Variants in GALNTL6 observed in about 807,000 individuals in gnomAD.
GALNTL6 encodes polypeptide N-acetylgalactosaminyltransferase-like 6.
In GALNTL6, 46 loss-of-function variants were observed where a neutral mutation model predicts 73.7. The observed-to-expected ratio is 0.62, with a 90% CI of 0.49 to 0.80. The LOEUF (loss-of-function observed/expected upper bound fraction) is 0.80. Ranked by LOEUF, GALNTL6 falls within the 30% of genes least tolerant of loss-of-function variation. The probability of loss-of-function intolerance (pLI) is 0.00; values close to 1 mark genes in which losing one functional copy is unlikely to be tolerated. For synonymous variants in GALNTL6, 259 were observed against 263.7 expected (o/e 0.98, Z 0.17); for missense variants, 604 against 755.0 (o/e 0.80, Z 2.34).
intron 5 of GALNTL6, among the ~76,000 whole-genome samples, chr4:172,401,133 G>A (rs335995): frequency 0.87 from 132,109 of 152,064 alleles, 57,376 homozygotes; most frequent in South Asian, 0.89. Context: ...TAACTTTAAT[G>A]TCCTTTCATT....
At chr4:172,216,563 G>A (rs1736503759) in intron 2 of GALNTL6, among the ~76,000 whole-genome samples, 2 of 151,766 alleles carry the variant, frequency 1.3e-5, no homozygotes, top group South Asian at 4.1e-4. Flanking sequence ...GTTCTGATTG[G>A]TATTCTCTGT....
At chr4:172,639,870 A>G (rs1313991894) in intron 5 of GALNTL6, among the ~76,000 whole-genome samples, 1 of 152,044 alleles carries the variant, frequency 6.6e-6, no homozygotes, top group Non-Finnish European at 1.5e-5. Flanking sequence ...ACTCAAGCAC[A>G]TTGCTCCAGC....
At chr4:173,015,149 C>A (rs1430721150) in intron 11 of GALNTL6, among the ~76,000 whole-genome samples, 1 of 152,214 alleles carries the variant, frequency 6.6e-6, no homozygotes, top group Non-Finnish European at 1.5e-5. Context: ...GAGGCCTTCC[C>A]AGCCATGCTG....
rs185957683 is a variant in GALNTL6, at chr4:172,597,504, A to G, written c.554-211857A>G. Among the ~76,000 whole-genome samples, 29 of 152,292 alleles carry G rather than the reference A, an allele frequency of 1.9e-4. No homozygotes were observed. In the East Asian group the frequency reaches 5.0e-3, roughly 26 times the overall value. ...ATAATAGTTATTTTTGCTTTGCCAT[A>G]TGTAGAAAAGAGTCTACATTATTTT... On this transcript the variant is annotated intron_variant, in intron 5 of 12. Transcript: ENST00000506823.
chr4:172,373,776 A>C (rs985317880), intron 5 of GALNTL6, among the ~76,000 whole-genome samples: 3 of 152,206 alleles, frequency 2.0e-5, no homozygotes, highest in Non-Finnish European at 2.9e-5. Flanking sequence ...GAAAAGAGCA[A>C]AGTCTCCCAA....
At chr4:171,856,695 A>T (rs868758864) in intron 2 of GALNTL6, among the ~76,000 whole-genome samples, 8 of 152,094 alleles carry the variant, frequency 5.3e-5, no homozygotes, top group Non-Finnish European at 1.0e-4. Flanking sequence ...CTTATTCTTT[A>T]TTCATTGAAT....
chr4:172,778,802 A>G (rs1398252470), intron 5 of GALNTL6, among the ~76,000 whole-genome samples: 1 of 152,224 alleles, frequency 6.6e-6, no homozygotes, highest in Non-Finnish European at 1.5e-5. Flanking sequence ...TGAAAAAGTC[A>G]GGCACAGTCC....
chr4:172,879,127 CAA>C (rs543858105), intron 7 of GALNTL6, among the ~76,000 whole-genome samples: 168 of 151,700 alleles, frequency 1.1e-3, no homozygotes, highest in Non-Finnish European at 4.1e-4. Flanking sequence ...AAACATGTTG[CAA>C]AAAACTGACA....
At chr4:172,788,187 AAAC>A (rs1553989007) in intron 5 of GALNTL6, among the ~76,000 whole-genome samples, 1 of 35,704 alleles carries the variant, frequency 2.8e-5, no homozygotes, top group South Asian at 2.1e-3. Flanking sequence ...CTCTACAAAA[AAAC>A]AAACAAACAA....
At chr4:172,266,536 T>C (rs1738458404) in intron 3 of GALNTL6, among the ~76,000 whole-genome samples, 1 of 152,132 alleles carries the variant, frequency 6.6e-6, no homozygotes. Flanking sequence ...TTTTAACTTA[T>C]GTAAAATAAC....
At chr4:171,992,079 G>A (rs910891454) in intron 2 of GALNTL6, among the ~76,000 whole-genome samples, 2 of 151,892 alleles carry the variant, frequency 1.3e-5, no homozygotes, top group Non-Finnish European at 2.9e-5. Context: ...TTATGGCTCT[G>A]AAAGCAAATT....
chr4:171,943,095 C>T (rs1397959868), intron 2 of GALNTL6, among the ~76,000 whole-genome samples: 11 of 152,182 alleles, frequency 7.2e-5, no homozygotes, highest in African/African-American at 2.7e-4. Context: ...TCAATTTCCA[C>T]CTTCAGAAAC....
intron 5 of GALNTL6, among the ~76,000 whole-genome samples, chr4:172,525,731 C>T (rs563064098): frequency 2.3e-4 from 35 of 152,154 alleles, no homozygotes; most frequent in Middle Eastern, 3.4e-3. Context: ...GGTGTGCTGG[C>T]ACGCACCTGT....
chr4:172,293,107 T>A (rs1349616256), intron 3 of GALNTL6, among the ~76,000 whole-genome samples: 2 of 152,174 alleles, frequency 1.3e-5, no homozygotes, highest in East Asian at 3.9e-4. Flanking sequence ...TGAGTTGTCT[T>A]CTTTTATTTA....
rs534688029 is a variant in GALNTL6, at chr4:172,859,933, G to A, written c.924-22857G>A. 5.9e-5 allele frequency among the ~76,000 whole-genome samples: 9 copies of A among 152,200 alleles called. No homozygotes were observed. In the South Asian group the frequency reaches 1.9e-3, roughly 32 times the overall value. On this transcript the variant is annotated intron_variant, in intron 7 of 12. Coordinates refer to ENST00000506823, the MANE Select transcript of GALNTL6 (RefSeq NM_001034845.3). Reference sequence around the variant, plus strand: ...GACCGTCTAGTTGCAGAAAAAATAAGCTCAAGGCTCCCACTGTTTCTACAT... The same window carrying A: ...GACCGTCTAGTTGCAGAAAAAATAAACTCAAGGCTCCCACTGTTTCTACAT...
chr4:172,481,848 A>C (rs338027), intron 5 of GALNTL6, among the ~76,000 whole-genome samples: 17,812 of 152,218 alleles, frequency 0.12, 1,079 homozygotes, highest in East Asian at 0.23. Flanking sequence ...GTTTCAGGGG[A>C]ATGGGCAGAA....
Position 172,875,732 on chromosome 4 carries a change from AACACACAC to A in GALNTL6, c.924-7028_924-7021del, listed in dbSNP as rs59079970. Among the ~76,000 whole-genome samples the A allele has an allele frequency of 9.1e-4, 132 of 145,810 alleles. 1 individual carries two copies. Among genetic ancestry groups the A allele is most frequent in the South Asian group, 1.8e-3 (8 of 4,456 alleles). On this transcript the variant is annotated intron_variant, in intron 7 of 12. Coordinates refer to ENST00000506823, the MANE Select transcript of GALNTL6 (RefSeq NM_001034845.3). ...TAGATCCTCCCTTTGCTCATACATA[AACACACAC>A]ACACACACACACACACACACACACA... is the stretch of plus-strand genomic sequence containing the variant.
chr4:172,950,005 T>C (rs149351416), intron 9 of GALNTL6, among the ~76,000 whole-genome samples: 9 of 151,984 alleles, frequency 5.9e-5, no homozygotes, highest in Non-Finnish European at 1.2e-4. Flanking sequence ...ATAGAATGCA[T>C]TTCATACAGA....
At chr4:172,488,041 C>T (rs1733761862) in intron 5 of GALNTL6, among the ~76,000 whole-genome samples, 1 of 152,126 alleles carries the variant, frequency 6.6e-6, no homozygotes, top group Non-Finnish European at 1.5e-5. Context: ...TATTATTGTA[C>T]TCTCAAGTTG....
Sources: allele counts gnomAD v4.1 joint callset (sites outside exome capture counted in the v4.1 genomes callset), GRCh38; gene constraint gnomAD v4.1.1; transcripts MANE v1.5; gene names NCBI Gene and HGNC (gene_info 2026-07-23, HGNC 2026-07-21).